CTNNA2: variants seen among roughly 807,000 people sequenced by gnomAD.
The protein encoded by CTNNA2 is catenin alpha-2.
Under a neutral mutation model 101.0 loss-of-function variants are expected in CTNNA2, and 42 were observed. The ratio of observed to expected loss-of-function variants is 0.42; its 90% CI spans 0.32 to 0.54. CTNNA2 has a LOEUF of 0.54. Among genes scored for constraint, CTNNA2 ranks in the 20% least tolerant of loss-of-function variants. The probability of loss-of-function intolerance (pLI) is 0.14; values close to 1 mark genes in which losing one functional copy is unlikely to be tolerated. For missense variants in CTNNA2, 871 were observed against 1,223.1 expected, an observed-to-expected ratio of 0.71 and a Z score of 4.29; for synonymous variants, 450 against 456.4, an observed-to-expected ratio of 0.99 and a Z score of 0.18.
At chr2:80,042,507 T>G (rs1010609594) in intron 7 of CTNNA2, among the ~76,000 whole-genome samples, 1 of 152,180 alleles carries the variant, frequency 6.6e-6, no homozygotes, top group Non-Finnish European at 1.5e-5. Context: ...CTGGCATCTT[T>G]TATCTGGCAC....
intron 3 of CTNNA2, chr2:79,340,078 C>T (rs1021984999): frequency 6.6e-6 from 1 of 152,038 alleles, no homozygotes; most frequent in African/African-American, 2.4e-5. Context: ...GCAAAGGACA[C>T]CGACAGGAAT....
At chr2:80,562,644 T>C (rs957395485) in intron 12 of CTNNA2, among the ~76,000 whole-genome samples, 5 of 151,902 alleles carry the variant, frequency 3.3e-5, no homozygotes, top group Non-Finnish European at 5.9e-5. Context: ...ATGCACAAGA[T>C]TATTTATTAC....
At chr2:80,447,501 A>G (rs1377163026) in intron 9 of CTNNA2, among the ~76,000 whole-genome samples, 4 of 152,212 alleles carry the variant, frequency 2.6e-5, no homozygotes, top group Non-Finnish European at 4.4e-5. Flanking sequence ...CTCCATTCAT[A>G]CAAAATTGTG....
intron 7 of CTNNA2, among the ~76,000 whole-genome samples, chr2:79,964,670 T>C (rs116798959): frequency 9.1e-4 from 139 of 152,306 alleles, no homozygotes; most frequent in African/African-American, 3.0e-3. Flanking sequence ...ATTACACAAG[T>C]TCTGGGTAAA....
chr2:80,493,961 T>C (rs1687250385), intron 9 of CTNNA2, among the ~76,000 whole-genome samples: 1 of 152,188 alleles, frequency 6.6e-6, no homozygotes, highest in South Asian at 2.1e-4. Flanking sequence ...AACAGTGGAA[T>C]GGTACGTACG....
chr2:79,487,175 CAGT>C (rs1367149176), intron 4 of CTNNA2, among the ~76,000 whole-genome samples: 1 of 152,106 alleles, frequency 6.6e-6, no homozygotes, highest in Non-Finnish European at 1.5e-5. Flanking sequence ...GATCTTGTAA[CAGT>C]AGATTTGATG....
At chr2:80,524,014 G>A (rs1689808603) in intron 9 of CTNNA2, among the ~76,000 whole-genome samples, 1 of 152,134 alleles carries the variant, frequency 6.6e-6, no homozygotes, top group South Asian at 2.1e-4. Context: ...TTTGCTCTTG[G>A]CGCTGAGGAG....
intron 7 of CTNNA2, among the ~76,000 whole-genome samples, chr2:80,190,566 C>G (rs1038688656): frequency 3.9e-5 from 6 of 152,036 alleles, no homozygotes; most frequent in African/African-American, 1.4e-4. Flanking sequence ...TTGGCCACTC[C>G]CAGAATCTGT....
chr2:79,712,756 C>A (rs949211004), intron 2 of CTNNA2, among the ~76,000 whole-genome samples: 1 of 152,114 alleles, frequency 6.6e-6, no homozygotes, highest in African/African-American at 2.4e-5. Context: ...AAAAATATTT[C>A]TGATTGCAAA....
chr2:79,426,028 T>C (rs967446150), intron 4 of CTNNA2, among the ~76,000 whole-genome samples: 1 of 152,130 alleles, frequency 6.6e-6, no homozygotes, highest in African/African-American at 2.4e-5. Flanking sequence ...AGTTGTAGGA[T>C]TGGTGGCTTA....
At chr2:79,455,140 T>A (rs1265495288) in intron 4 of CTNNA2, among the ~76,000 whole-genome samples, 1 of 152,202 alleles carries the variant, frequency 6.6e-6, no homozygotes, top group African/African-American at 2.4e-5. Flanking sequence ...ATGACTATGC[T>A]CATCATGCAT....
At position 80,642,893 on chromosome 2, in the gene CTNNA2, GGA is replaced by G. The variant is rs573399109; in HGVS notation, c.2575-4688_2575-4687del. ...TCTGCCCATTCAAAACACAAAATGAGGAGAGTATAGGGAACAGAAATCTTTTA... is the reference window on the plus strand; with the variant it reads ...TCTGCCCATTCAAAACACAAAATGAGGAGTATAGGGAACAGAAATCTTTTA... On this transcript the variant is annotated intron_variant, in intron 18 of 18. Coordinates refer to ENST00000402739, the MANE Select transcript of CTNNA2 (RefSeq NM_001282597.3). Among the ~76,000 whole-genome samples the G allele has an allele frequency of 1.5e-3, 232 of 152,196 alleles. 3 individuals are homozygous for G. The highest frequency in any genetic ancestry group is 5.4e-3 in the African/African-American group (224 of 41,524).
intron 1 of CTNNA2, among the ~76,000 whole-genome samples, chr2:79,188,587 C>T (rs903485645): frequency 6.6e-6 from 1 of 152,176 alleles, no homozygotes; most frequent in Admixed American, 6.5e-5. Flanking sequence ...CAATAGACAA[C>T]AGAGAATACC....
intron 7 of CTNNA2, among the ~76,000 whole-genome samples, chr2:80,035,268 G>A (rs527734841): frequency 4.5e-4 from 68 of 152,220 alleles, no homozygotes; most frequent in Admixed American, 1.1e-3. Context: ...TGTCTCCACC[G>A]CTTACATCTG....
At chr2:80,005,640 G>A (rs454366) in intron 7 of CTNNA2, among the ~76,000 whole-genome samples, 94,219 of 151,634 alleles carry the variant, frequency 0.62, 30,410 homozygotes, top group East Asian at 0.76. Context: ...GATCAGCTAT[G>A]GGGAAGGGCA....
At chr2:79,735,009 G>A (rs140510350) in intron 2 of CTNNA2, among the ~76,000 whole-genome samples, 171 of 152,230 alleles carry the variant, frequency 1.1e-3, no homozygotes, top group African/African-American at 3.8e-3. Context: ...TTTTACCAGT[G>A]TCCATTATAA....
At chr2:79,964,488 T>C (rs1689884478) in intron 7 of CTNNA2, among the ~76,000 whole-genome samples, 1 of 152,224 alleles carries the variant, frequency 6.6e-6, no homozygotes, top group South Asian at 2.1e-4. Context: ...AAAAGAAGTC[T>C]TTATGAAATT....
chr2:79,684,382 A>T (rs371566578), intron 2 of CTNNA2, among the ~76,000 whole-genome samples: 1 of 152,154 alleles, frequency 6.6e-6, no homozygotes, highest in Non-Finnish European at 1.5e-5. Flanking sequence ...TATGCAACCC[A>T]CTAATAGATC....
intron 7 of CTNNA2, among the ~76,000 whole-genome samples, chr2:80,387,031 G>C (rs1449252990): frequency 6.6e-6 from 1 of 152,152 alleles, no homozygotes; most frequent in Non-Finnish European, 1.5e-5. Context: ...AGCCTTTAAA[G>C]AAATACTCAT....
Sources: gnomAD v4.1 joint callset for allele counts (sites outside exome capture counted in the v4.1 genomes callset) on GRCh38, gnomAD v4.1.1 for gene constraint, MANE v1.5 for transcripts, NCBI Gene and HGNC (gene_info 2026-07-23, HGNC 2026-07-21) for gene names.